Variants in UST observed in about 807,000 individuals in gnomAD.
The protein encoded by UST is uronyl 2-sulfotransferase, also known as chondroitin sulfate 2-O-sulfotransferase.
Under a neutral mutation model 45.6 loss-of-function variants are expected in UST, and 21 were observed. The observed-to-expected ratio is 0.46, with a 90% CI of 0.33 to 0.66. The LOEUF (loss-of-function observed/expected upper bound fraction) is 0.66. UST is among the 30% of genes least tolerant of loss of function. The pLI, the probability that UST is intolerant of heterozygous loss-of-function variation, is 0.02. For synonymous variants in UST, 215 were observed against 200.6 expected, an observed-to-expected ratio of 1.07 and a Z score of -0.61; for missense variants, 463 against 512.4, an observed-to-expected ratio of 0.90 and a Z score of 0.93.
At chr6:148,765,678 T>G (rs1357499803) in intron 1 of UST, among the ~76,000 whole-genome samples, 1 of 152,162 alleles carries the variant, frequency 6.6e-6, no homozygotes, top group East Asian at 1.9e-4. Flanking sequence ...AAGTGATAAA[T>G]GTCCATGAAA....
rs17665153 is a variant in UST at position 148,906,413 on chromosome 6, A to G, written c.291+19384A>G. On this transcript the variant is annotated intron_variant, in intron 2 of 7. Transcript: ENST00000367463. The stretch of plus-strand genomic sequence containing the variant: ...CAAATTAACTTCATCATGGGTGAAT[A>G]TAGCAAAAAGTGGGCAAAAGTAACT... Among the ~76,000 whole-genome samples the G allele has an allele frequency of 4.9e-3, 753 of 152,340 alleles. 8 individuals carry two copies. The highest frequency in any genetic ancestry group is 8.6e-3 in the Non-Finnish European group (587 of 68,036).
In UST at chr6:149,051,845, C is replaced by T. The variant is rs530942022; in HGVS notation, c.938-21988C>T. On this transcript the variant is annotated intron_variant, in intron 7 of 7. Transcript: ENST00000367463. ...TTGAATGTTTATTATTTACCTAATACAGGCAAGAAGATATAGTAGAAGATA... is the reference window on the plus strand; with the variant it reads ...TTGAATGTTTATTATTTACCTAATATAGGCAAGAAGATATAGTAGAAGATA... Among the ~76,000 whole-genome samples, 49 of 152,118 alleles carry T rather than the reference C, an allele frequency of 3.2e-4. 1 individual carries two copies. In the South Asian group the frequency reaches 4.8e-3, roughly 15 times the overall value.
At chr6:148,994,122 A>G (rs1365148542) in intron 5 of UST, among the ~76,000 whole-genome samples, 2 of 152,032 alleles carry the variant, frequency 1.3e-5, no homozygotes, top group African/African-American at 2.4e-5. Context: ...GGCATGCACC[A>G]GCACGCTGGC....
intron 7 of UST, among the ~76,000 whole-genome samples, chr6:149,049,157 A>T (rs1030698982): frequency 3.3e-5 from 5 of 152,160 alleles, no homozygotes; most frequent in African/African-American, 1.2e-4. Flanking sequence ...ACAATCTTTG[A>T]CCCATTTCAA....
intron 5 of UST, among the ~76,000 whole-genome samples, chr6:149,009,329 AG>A (rs1367346151): frequency 6.6e-6 from 1 of 152,196 alleles, no homozygotes; most frequent in Non-Finnish European, 1.5e-5. Flanking sequence ...AAGTTTCAAA[AG>A]CCAATTGGAA....
At chr6:148,907,053 G>T (rs190891820) in intron 2 of UST, among the ~76,000 whole-genome samples, 52 of 152,198 alleles carry the variant, frequency 3.4e-4, no homozygotes, top group Non-Finnish European at 6.5e-4. Flanking sequence ...CAAAAATTAT[G>T]AATATATTTT....
chr6:148,815,258 A>G (rs1159958813), intron 1 of UST, among the ~76,000 whole-genome samples: 1 of 152,244 alleles, frequency 6.6e-6, no homozygotes, highest in Non-Finnish European at 1.5e-5. Flanking sequence ...GCTAGATAAG[A>G]AGCTAATAGT....
At chr6:148,986,974 G>T (rs1203716391) in intron 5 of UST, among the ~76,000 whole-genome samples, 2 of 152,208 alleles carry the variant, frequency 1.3e-5, no homozygotes, top group East Asian at 3.8e-4. Context: ...TGGTGATTAA[G>T]GATTGGTAAC....
chr6:148,749,311 T>A (rs1775944428), intron 1 of UST, among the ~76,000 whole-genome samples: 1 of 152,206 alleles, frequency 6.6e-6, no homozygotes, highest in Non-Finnish European at 1.5e-5. Flanking sequence ...CCAGCAGCAA[T>A]CCCTGTTAAC....
chr6:148,761,729 G>A (rs1776226286), intron 1 of UST, among the ~76,000 whole-genome samples: 1 of 152,178 alleles, frequency 6.6e-6, no homozygotes, highest in Admixed American at 6.5e-5. Flanking sequence ...GGATTGTGGT[G>A]TGGTCACCTC....
intron 1 of UST, among the ~76,000 whole-genome samples, chr6:148,851,086 G>A (rs1209754098): frequency 6.6e-6 from 1 of 152,184 alleles, no homozygotes. Context: ...TGGAGGTGGT[G>A]TCAGTAGGGG....
At chr6:148,761,787 A>G (rs1776227304) in intron 1 of UST, among the ~76,000 whole-genome samples, 1 of 152,124 alleles carries the variant, frequency 6.6e-6, no homozygotes, top group East Asian at 1.9e-4. Flanking sequence ...TGCTTGAAGG[A>G]GGAAATGTTG....
At chr6:148,801,009 CA>C (rs1382971068) in intron 1 of UST, among the ~76,000 whole-genome samples, 5 of 152,130 alleles carry the variant, frequency 3.3e-5, no homozygotes, top group Admixed American at 1.3e-4. Flanking sequence ...ACTTTTTTGA[CA>C]AGCTGAATAG....
chr6:148,918,033 G>C (rs1413522914), intron 2 of UST, among the ~76,000 whole-genome samples: 1 of 152,220 alleles, frequency 6.6e-6, no homozygotes, highest in Non-Finnish European at 1.5e-5. Context: ...CCATGCACCA[G>C]AAGGGGCATT....
intron 2 of UST, among the ~76,000 whole-genome samples, chr6:148,888,963 A>C (rs1778961476): frequency 6.6e-6 from 1 of 152,232 alleles, no homozygotes; most frequent in African/African-American, 2.4e-5. Context: ...GCACATCATG[A>C]CTATTCATTA....
chr6:148,930,712 A>G (rs1330482742), intron 2 of UST, among the ~76,000 whole-genome samples: 1 of 152,180 alleles, frequency 6.6e-6, no homozygotes, highest in Non-Finnish European at 1.5e-5. Flanking sequence ...GCCGTGTGGA[A>G]GGAAGTTACA....
intron 1 of UST, among the ~76,000 whole-genome samples, chr6:148,806,279 A>G (rs547782268): frequency 6.6e-6 from 1 of 152,282 alleles, no homozygotes; most frequent in African/African-American, 2.4e-5. Flanking sequence ...TGTCGATATT[A>G]TTTTAAAAGT....
intron 1 of UST, among the ~76,000 whole-genome samples, chr6:148,774,936 T>C (rs1385097478): frequency 2.0e-5 from 3 of 152,102 alleles, no homozygotes; most frequent in African/African-American, 7.2e-5. Flanking sequence ...GAGAATCACT[T>C]GAACCTGGGA....
At chr6:148,972,692 G>A (rs978160537) in intron 5 of UST, among the ~76,000 whole-genome samples, 4 of 152,252 alleles carry the variant, frequency 2.6e-5, no homozygotes, top group African/African-American at 9.6e-5. Context: ...GTGAGTCAGC[G>A]GAGCTGCTGC....
Sources: allele counts gnomAD v4.1 joint callset (sites outside exome capture counted in the v4.1 genomes callset), GRCh38; gene constraint gnomAD v4.1.1; transcripts MANE v1.5; gene names NCBI Gene and HGNC (gene_info 2026-07-23, HGNC 2026-07-21).